The following UBE2E2 variants were observed in gnomAD, a reference collection of about 807,000 sequenced individuals.
UBE2E2 encodes ubiquitin conjugating enzyme E2 E2, also known as ubiquitin-conjugating enzyme E2 E2.
A neutral mutation model predicts 24.7 loss-of-function variants in UBE2E2; 6 were observed. That is an observed-to-expected ratio of 0.24 (90% CI 0.13 to 0.48). UBE2E2 has a LOEUF of 0.48. Ranked by LOEUF, UBE2E2 falls within the 20% of genes least tolerant of loss-of-function variation. The pLI is 0.99. For synonymous variants in UBE2E2, 104 were observed against 83.6 expected, an observed-to-expected ratio of 1.24 and a Z score of -1.33; for missense variants, 169 against 245.0, an observed-to-expected ratio of 0.69 and a Z score of 2.07.
intron 3 of UBE2E2, among the ~76,000 whole-genome samples, chr3:23,297,613 C>A (rs1458158303): frequency 6.0e-5 from 9 of 148,964 alleles, no homozygotes; most frequent in East Asian, 2.0e-4. Context: ...AAAGATCAGA[C>A]AATGAGGGCT....
chr3:23,220,784 A>G (rs1194684092), intron 3 of UBE2E2, among the ~76,000 whole-genome samples: 1 of 152,218 alleles, frequency 6.6e-6, no homozygotes, highest in Non-Finnish European at 1.5e-5. Flanking sequence ...GACCTCTAAC[A>G]GGTAGATTCA....
intron 3 of UBE2E2, among the ~76,000 whole-genome samples, chr3:23,491,899 G>A (rs796417893): frequency 2.0e-5 from 3 of 152,292 alleles, no homozygotes; most frequent in African/African-American, 7.2e-5. Flanking sequence ...AGAGTACAGA[G>A]ATAACAATGA....
chr3:23,258,498 C>G (rs1697799127), intron 3 of UBE2E2, among the ~76,000 whole-genome samples: 1 of 152,114 alleles, frequency 6.6e-6, no homozygotes, highest in South Asian at 2.1e-4. Flanking sequence ...CTTTGTATAT[C>G]AGTTTTGTTA....
chr3:23,250,053 T>C (rs1018658678), intron 3 of UBE2E2, among the ~76,000 whole-genome samples: 4 of 152,224 alleles, frequency 2.6e-5, no homozygotes, highest in African/African-American at 9.6e-5. Context: ...GTCTTACCCC[T>C]TTAATCTAGG....
chr3:23,360,244 A>C (rs990784491), intron 3 of UBE2E2, among the ~76,000 whole-genome samples: 1 of 152,216 alleles, frequency 6.6e-6, no homozygotes, highest in Non-Finnish European at 1.5e-5. Context: ...TATGCTGTAC[A>C]GTAACAAAAA....
At chr3:23,398,931 C>A (rs190397418) in intron 3 of UBE2E2, among the ~76,000 whole-genome samples, 2 of 152,184 alleles carry the variant, frequency 1.3e-5, no homozygotes, top group Admixed American at 1.3e-4. Flanking sequence ...AAAATAAAAA[C>A]TGTGTGTGTT....
intron 3 of UBE2E2, among the ~76,000 whole-genome samples, chr3:23,222,744 A>T (rs1410261598): frequency 6.6e-6 from 1 of 152,158 alleles, no homozygotes. Flanking sequence ...CAGTATAGGA[A>T]TTGCTGGATC....
chr3:23,440,334 C>G (rs1559384306), intron 3 of UBE2E2, among the ~76,000 whole-genome samples: 1 of 152,192 alleles, frequency 6.6e-6, no homozygotes, highest in Non-Finnish European at 1.5e-5. Context: ...TCTCAAACTC[C>G]TGGACTCAAG....
chr3:23,250,877 A>T (rs978091560), intron 3 of UBE2E2, among the ~76,000 whole-genome samples: 1 of 152,128 alleles, frequency 6.6e-6, no homozygotes, highest in Non-Finnish European at 1.5e-5. Context: ...TATTTATTGG[A>T]GACAGAGTCG....
intron 3 of UBE2E2, among the ~76,000 whole-genome samples, chr3:23,259,493 G>C (rs1003859992): frequency 1.3e-5 from 2 of 151,724 alleles, no homozygotes; most frequent in Non-Finnish European, 2.9e-5. Flanking sequence ...CTACTTAGGA[G>C]ATTGAGGCAG....
chr3:23,352,213 C>A (rs1306316100), intron 3 of UBE2E2, among the ~76,000 whole-genome samples: 1 of 151,922 alleles, frequency 6.6e-6, no homozygotes, highest in Non-Finnish European at 1.5e-5. Context: ...ATACCAGAAT[C>A]TCTGGGACAC....
chr3:23,416,032 A>T (rs1697622016), intron 3 of UBE2E2, among the ~76,000 whole-genome samples: 1 of 152,094 alleles, frequency 6.6e-6, no homozygotes, highest in Non-Finnish European at 1.5e-5. Context: ...GATGAGAATG[A>T]TGGTTTCCGG....
intron 3 of UBE2E2, among the ~76,000 whole-genome samples, chr3:23,229,891 G>A (rs1368901337): frequency 9.2e-5 from 14 of 152,184 alleles, no homozygotes; most frequent in Non-Finnish European, 5.9e-5. Context: ...ATATTGGACA[G>A]CATAGATCTA....
chr3:23,247,235 C>T (rs1697436262), intron 3 of UBE2E2, among the ~76,000 whole-genome samples: 1 of 151,996 alleles, frequency 6.6e-6, no homozygotes, highest in East Asian at 1.9e-4. Context: ...AATTAATACT[C>T]AAATATTAAT....
At chr3:23,485,143 G>A (rs1439926132) in intron 3 of UBE2E2, among the ~76,000 whole-genome samples, 1 of 140,924 alleles carries the variant, frequency 7.1e-6, no homozygotes, top group Non-Finnish European at 1.5e-5. Flanking sequence ...GACCCAAGCT[G>A]GAGTGCAGTG....
chr3:23,262,266 T>G (rs1171297680), intron 3 of UBE2E2, among the ~76,000 whole-genome samples: 1 of 152,178 alleles, frequency 6.6e-6, no homozygotes, highest in Non-Finnish European at 1.5e-5. Context: ...GAAAAATGTG[T>G]ATTCAGGGCT....
intron 5 of UBE2E2, among the ~76,000 whole-genome samples, chr3:23,544,887 G>A (rs1476066914): frequency 1.1e-4 from 16 of 151,290 alleles, no homozygotes; most frequent in African/African-American, 3.9e-4. Flanking sequence ...AGGGTCACAA[G>A]ACAATAGTGG....
At chr3:23,350,049 A>T (rs1695690061) in intron 3 of UBE2E2, among the ~76,000 whole-genome samples, 1 of 152,152 alleles carries the variant, frequency 6.6e-6, no homozygotes, top group African/African-American at 2.4e-5. Context: ...TTCCAAAGGA[A>T]CGATCAGACA....
rs570947454 is a variant in UBE2E2 at position 23,272,765 on chromosome 3, C to T, written c.227+55453C>T. Among the ~76,000 whole-genome samples, 7 of 152,184 alleles carry T rather than the reference C, an allele frequency of 4.6e-5. No individual in the cohort carries two copies. The East Asian group carries it at 7.7e-4, about 17-fold the overall frequency. On this transcript the variant is annotated intron_variant, in intron 3 of 5. Coordinates refer to ENST00000396703, the MANE Select transcript of UBE2E2 (RefSeq NM_152653.4). ...ATATGGAGACGGCAAGCTGGAGACT[C>T]AGGAGAGCTGTGGCGTAGTAGTTTC...
Sources: gnomAD v4.1 joint callset for allele counts (sites outside exome capture counted in the v4.1 genomes callset) on GRCh38, gnomAD v4.1.1 for gene constraint, MANE v1.5 for transcripts, NCBI Gene and HGNC (gene_info 2026-07-23, HGNC 2026-07-21) for gene names.